The following STPG1 variants were observed in gnomAD, a reference collection of about 807,000 sequenced individuals.
The protein encoded by STPG1 is O(6)-methylguanine-induced apoptosis 2.
STPG1 carries 33 observed loss-of-function variants against 40.1 expected under a neutral mutation model. The ratio of observed to expected loss-of-function variants is 0.82; its 90% CI spans 0.62 to 1.10. STPG1 has a LOEUF of 1.10. Among genes scored for constraint, STPG1 ranks in the 50% least tolerant of loss-of-function variants. The pLI is 0.00. For missense variants in STPG1, 396 were observed against 415.1 expected (o/e 0.95, Z 0.40); for synonymous variants, 150 against 155.0 (o/e 0.97, Z 0.24).
At position 24,386,995 on chromosome 1, in the gene STPG1, G is replaced by A. The variant is rs185408406; in HGVS notation, c.190-2992C>T. Among the ~76,000 whole-genome samples the A allele has an allele frequency of 4.1e-3, 603 of 147,118 alleles. 2 individuals carry two copies. The highest frequency in any genetic ancestry group is 0.014 in the African/African-American group (547 of 39,388). On this transcript the variant is annotated intron_variant, in intron 3 of 8. Transcript: ENST00000337248. Reference sequence around the variant, plus strand: ...GGGTGGAACAGCGCCGATGCGGCCCGCCATCATCATCATCACCATCACCAT... The same window carrying A: ...GGGTGGAACAGCGCCGATGCGGCCCACCATCATCATCATCACCATCACCAT...
At chr1:24,401,172 G>T in intron 2 of STPG1, 147 bp downstream of exon 2, 1 of 552,798 alleles carries the variant, frequency 1.8e-6, no homozygotes, top group South Asian at 3.0e-5. Flanking sequence ...ACTTGAAACA[G>T]TAGGGCCTAA....
At chr1:24,367,652 G>A (rs1004074626) in intron 7 of STPG1, among the ~76,000 whole-genome samples, 2 of 152,204 alleles carry the variant, frequency 1.3e-5, no homozygotes, top group Non-Finnish European at 2.9e-5. Context: ...CTGAGTAGCT[G>A]GGATTACAGG....
intron 7 of STPG1, chr1:24,364,053 T>C: frequency 1.4e-5 from 19 of 1,321,296 alleles, no homozygotes; most frequent in Middle Eastern, 3.9e-4. Flanking sequence ...GCTTCCGTTT[T>C]ACCTTCCAGA....
At chr1:24,403,514 A>T (rs1643303214) in intron 1 of STPG1, among the ~76,000 whole-genome samples, 1 of 152,150 alleles carries the variant, frequency 6.6e-6, no homozygotes, top group African/African-American at 2.4e-5. Context: ...CTGGATTTTG[A>T]TTGAGATTGC....
At chr1:24,369,898 A>G in intron 6 of STPG1, 59 bp from the exon 7 acceptor site, 2 of 1,464,506 alleles carry the variant, frequency 1.4e-6, no homozygotes, top group Non-Finnish European at 9.3e-7. Context: ...AATAAAAAGC[A>G]GTACCTTACC....
chr1:24,363,668 A>C (rs1641268728), intron 7 of STPG1, among the ~76,000 whole-genome samples: 1 of 152,250 alleles, frequency 6.6e-6, no homozygotes, highest in Non-Finnish European at 1.5e-5. Flanking sequence ...ATCTGTTCGA[A>C]TAGAGGTTAA....
chr1:24,391,777 G>A, intron 2 of STPG1, 98 bp from the exon 3 acceptor site: 1 of 1,163,446 alleles, frequency 8.6e-7, no homozygotes, highest in Non-Finnish European at 1.1e-6. Flanking sequence ...TATTTTAAAT[G>A]GTAGAGAAGA....
intron 8 of STPG1, 132 bp from the exon 9 acceptor site, chr1:24,358,751 CAG>C (rs1448782284): frequency 1.5e-6 from 1 of 651,834 alleles, no homozygotes; most frequent in East Asian, 2.7e-5. Flanking sequence ...CGTGGGGAGA[CAG>C]AGAGGAAGGA....
chr1:24,383,718 G>C (rs1007673174), intron 4 of STPG1, 184 bp downstream of exon 4: 72 of 518,098 alleles, frequency 1.4e-4, no homozygotes, highest in Admixed American at 1.0e-4. Flanking sequence ...GGTAGAGATG[G>C]GAAAAAGTTA....
chr1:24,368,058 G>A (rs1319504886), intron 7 of STPG1, among the ~76,000 whole-genome samples: 4 of 152,066 alleles, frequency 2.6e-5, no homozygotes, highest in Non-Finnish European at 5.9e-5. Context: ...GGAGGCGGGA[G>A]GTCTCTGGAG....
At chr1:24,401,509 T>C in intron 1 of STPG1, 53 bp from the exon 2 acceptor site, 3 of 809,106 alleles carry the variant, frequency 3.7e-6, no homozygotes, top group East Asian at 2.7e-5. Flanking sequence ...TGGTTAATTA[T>C]TGCAAATGGG....
At chr1:24,396,447 T>C (rs1048545873) in intron 2 of STPG1, among the ~76,000 whole-genome samples, 1 of 152,186 alleles carries the variant, frequency 6.6e-6, no homozygotes, top group African/African-American at 2.4e-5. Context: ...AGTTCTGGGA[T>C]TGCAAGTGTG....
intron 4 of STPG1, among the ~76,000 whole-genome samples, chr1:24,381,920 AATAG>A (rs1356131649): frequency 3.9e-5 from 6 of 152,348 alleles, no homozygotes; most frequent in African/African-American, 1.4e-4. Flanking sequence ...GAGATCTCCT[AATAG>A]ATCGCCATCG....
chr1:24,360,912 T>C lies in STPG1; in HGVS notation c.867A>G (p.Ser289=). ...TCCACCGGCTGGTATTGGACACGAA[T>C]GATGCACTAGAGATGAAATGCTTGC... is the stretch of plus-strand genomic sequence containing the variant. ...GPRKHFISSA[S]FVSNTSRWTA... The change falls in exon 8 of 9, where the codon TCA becomes TCG. Residue 289 remains serine, a synonymous_variant. Transcript: ENST00000337248. The C allele has an allele frequency of 6.2e-7, 1 of 1,613,902 alleles. No individual in the cohort carries two copies. Among genetic ancestry groups the C allele is most frequent in the Non-Finnish European group, 8.5e-7 (1 of 1,179,936 alleles).
chr1:24,391,763 G>T, intron 2 of STPG1, 84 bp from the exon 3 acceptor site: 1 of 1,208,416 alleles, frequency 8.3e-7, no homozygotes, highest in Non-Finnish European at 1.1e-6. Context: ...GTATATTAAA[G>T]TTTTATTTTA....
chr1:24,377,809 A>T (rs1480351146), intron 5 of STPG1, among the ~76,000 whole-genome samples: 1 of 152,182 alleles, frequency 6.6e-6, no homozygotes, highest in African/African-American at 2.4e-5. Context: ...TTTCCACCCC[A>T]GCCATCCACT....
At position 24,374,244 on chromosome 1, in the gene STPG1, G is replaced by GTTTTTTT. The variant is rs869037466; in HGVS notation, c.463-441_463-435dup. On this transcript the variant is annotated intron_variant, in intron 5 of 8. Coordinates refer to ENST00000337248, the MANE Select transcript of STPG1 (RefSeq NM_001199013.2). ...CAGCAGAGATCACCGCTAGGAAAGT[G>GTTTTTTT]TTTTTTTTTTTTGTTTTTTTTTTTT... 1.5e-4 allele frequency among the ~76,000 whole-genome samples: 14 copies of GTTTTTTT among 93,288 alleles called. 3 individuals are homozygous for GTTTTTTT. Among genetic ancestry groups the GTTTTTTT allele is most frequent in the African/African-American group, 4.7e-4 (10 of 21,090 alleles). The allele number at this position is 93,288 out of a possible 152,430, so 61.2% of individuals were successfully genotyped here.
intron 3 of STPG1, among the ~76,000 whole-genome samples, chr1:24,384,852 G>A (rs1160111744): frequency 6.6e-6 from 1 of 152,176 alleles, no homozygotes; most frequent in Non-Finnish European, 1.5e-5. Flanking sequence ...GAGACACTAA[G>A]GCACGTGGAG....
At chr1:24,361,622 G>A (rs1402314431) in intron 7 of STPG1, among the ~76,000 whole-genome samples, 2 of 152,066 alleles carry the variant, frequency 1.3e-5, no homozygotes, top group Admixed American at 6.5e-5. Context: ...ATATCATCCT[G>A]GGGAGGCAGG....
Sources: gnomAD v4.1 joint callset for allele counts (sites outside exome capture counted in the v4.1 genomes callset) on GRCh38, gnomAD v4.1.1 for gene constraint, MANE v1.5 for transcripts, NCBI Gene and HGNC (gene_info 2026-07-23, HGNC 2026-07-21) for gene names.